RYR2: variants seen among roughly 807,000 people sequenced by gnomAD.
The protein encoded by RYR2 is ryanodine receptor 2.
RYR2 carries 227 observed loss-of-function variants against 601.1 expected under a neutral mutation model. The observed-to-expected ratio is 0.38, with a 90% confidence interval of 0.34 to 0.42. The LOEUF is 0.42. RYR2 is among the 10% of genes least tolerant of loss of function. RYR2 has a pLI of 1.00. For synonymous variants in RYR2, 2,223 were observed against 2,175.1 expected, an observed-to-expected ratio of 1.02 and a Z score of -0.61; for missense variants, 4,646 against 6,156.5, an observed-to-expected ratio of 0.75 and a Z score of 8.21.
At chr1:237,269,431 T>G (rs537533174) in intron 1 of RYR2, among the ~76,000 whole-genome samples, 1 of 152,300 alleles carries the variant, frequency 6.6e-6, no homozygotes, top group Admixed American at 6.5e-5. Context: ...ACCTCTGCCC[T>G]GCCATACTAC....
rs1349630767 is a variant in RYR2, at chr1:237,833,583, A to C, written c.*936A>C. 6.6e-6 allele frequency: 1 copy of C among 152,630 alleles called. No individual in the cohort carries two copies. Among genetic ancestry groups the C allele is most frequent in the Admixed American group, 6.5e-5 (1 of 15,280 alleles). 9.5% of individuals were successfully genotyped at this position (152,630 alleles called of 1,614,324 possible). The stretch of plus-strand genomic sequence containing the variant: ...AAATTTCATGATAATTATTCATAGT[A>C]ATAAAGTGTCGTGGGCTTAATTGTA... On this transcript the variant is annotated 3_prime_UTR_variant, in exon 105 of 105. Transcript: ENST00000366574.
chr1:237,213,092 C>A (rs1414264979), intron 1 of RYR2, among the ~76,000 whole-genome samples: 1 of 151,834 alleles, frequency 6.6e-6, no homozygotes, highest in African/African-American at 2.4e-5. Context: ...TATTATTAAC[C>A]ATTTTTACTT....
intron 79 of RYR2, among the ~76,000 whole-genome samples, chr1:237,734,088 G>T (rs1690927209): frequency 6.6e-6 from 1 of 152,112 alleles, no homozygotes; most frequent in Non-Finnish European, 1.5e-5. Context: ...TTAAGCAAAT[G>T]GTTGTAGAAA....
chr1:237,815,031 A>C (rs1233492590), intron 100 of RYR2, among the ~76,000 whole-genome samples: 1 of 128,970 alleles, frequency 7.8e-6, no homozygotes, highest in African/African-American at 3.0e-5. Flanking sequence ...GCTGACCCTC[A>C]GTGTTCCCTA....
chr1:237,135,454 C>T (rs956505942), intron 1 of RYR2, among the ~76,000 whole-genome samples: 2 of 151,660 alleles, frequency 1.3e-5, no homozygotes, highest in Admixed American at 1.3e-4. Context: ...ACTGCAAGCT[C>T]CGCCTCCCAG....
chr1:237,681,933 T>C (rs147816155), intron 62 of RYR2, among the ~76,000 whole-genome samples: 83 of 152,340 alleles, frequency 5.4e-4, no homozygotes, highest in African/African-American at 1.9e-3. Context: ...CTGTTAGCCT[T>C]TTTAAATAGG....
At position 237,660,028 on chromosome 1, in the gene RYR2, C is replaced by G; in HGVS notation, c.8252C>G (p.Ser2751Cys). The G allele has an allele frequency of 6.3e-7, 1 of 1,589,720 alleles. No individual in the cohort carries two copies. Among genetic ancestry groups the G allele is most frequent in the Non-Finnish European group, 8.5e-7 (1 of 1,170,996 alleles). The change falls in exon 55 of 105, where the codon TCT becomes TGT. Residue 2751 changes from serine to cysteine, a missense_variant. Physicochemically the swap from Ser to Cys is moderately radical, Grantham distance 112. This residue lies in a region of RYR2 where 1,497 missense variants were observed against 1,842.6 expected (regional missense o/e 0.81). Transcript: ENST00000366574. ...WIYGEIYSDS[S>C]KVQPLMKPYK... Reference sequence around the variant, plus strand: ...TATGGAGAAATATATTCAGACTCTTCTAAGGTTCAGCCATTAATGAAGCCA... The same window carrying G: ...TATGGAGAAATATATTCAGACTCTTGTAAGGTTCAGCCATTAATGAAGCCA...
At chr1:237,492,851 GGAA>G (rs1663537552) in intron 18 of RYR2, 100 bp from the exon 19 acceptor site, 3 of 1,203,672 alleles carry the variant, frequency 2.5e-6, no homozygotes, top group Non-Finnish European at 3.4e-6. Flanking sequence ...AAGGAAGGAA[GGAA>G]GGAAGGAAGG....
At chr1:237,214,138 C>G (rs1451833741) in intron 1 of RYR2, among the ~76,000 whole-genome samples, 1 of 151,882 alleles carries the variant, frequency 6.6e-6, no homozygotes, top group African/African-American at 2.4e-5. Flanking sequence ...CCAGGCTGGT[C>G]TTGAACTCCT....
At chr1:237,311,798 T>C (rs12741336) in intron 2 of RYR2, among the ~76,000 whole-genome samples, 11,014 of 152,264 alleles carry the variant, frequency 0.072, 542 homozygotes, top group Non-Finnish European at 0.11. Context: ...TCTTTAGAAC[T>C]GTCTTTTGTG....
intron 12 of RYR2, among the ~76,000 whole-genome samples, chr1:237,427,782 C>T (rs1343027640): frequency 1.8e-5 from 1 of 56,192 alleles, no homozygotes; most frequent in African/African-American, 7.0e-5. Context: ...GACTCTGCCT[C>T]AAAAAAAAAA....
chr1:237,600,354 G>T (rs1444097870), intron 34 of RYR2, among the ~76,000 whole-genome samples: 1 of 152,108 alleles, frequency 6.6e-6, no homozygotes, highest in Non-Finnish European at 1.5e-5. Flanking sequence ...TTGGGGAAAG[G>T]ACAGTTTCTT....
chr1:237,324,978 A>G (rs1044605512), intron 2 of RYR2, among the ~76,000 whole-genome samples: 2 of 152,204 alleles, frequency 1.3e-5, no homozygotes, highest in African/African-American at 4.8e-5. Context: ...CTGTATCCCT[A>G]TAGTGTATGT....
intron 1 of RYR2, among the ~76,000 whole-genome samples, chr1:237,216,266 ATGTC>A (rs918187507): frequency 6.6e-6 from 1 of 152,156 alleles, no homozygotes; most frequent in African/African-American, 2.4e-5. Flanking sequence ...TTTTCAACCT[ATGTC>A]TGTGTTTCAA....
chr1:237,669,510 C>T (rs1366989200), intron 58 of RYR2, among the ~76,000 whole-genome samples: 4 of 127,726 alleles, frequency 3.1e-5, no homozygotes, highest in African/African-American at 1.2e-4. Context: ...GGGGGGCTGA[C>T]CCCCCCCACC....
At chr1:237,085,852 C>T (rs1489818661) in intron 1 of RYR2, among the ~76,000 whole-genome samples, 2 of 152,198 alleles carry the variant, frequency 1.3e-5, no homozygotes, top group African/African-American at 4.8e-5. Flanking sequence ...CTCCCAGGCT[C>T]AAGTGATCCT....
chr1:237,416,765 G>C (rs868361447), intron 10 of RYR2, among the ~76,000 whole-genome samples: 34 of 150,658 alleles, frequency 2.3e-4, no homozygotes, highest in South Asian at 1.3e-3. Flanking sequence ...CACACACACA[G>C]AGAGAGAGAG....
At chr1:237,246,825 T>C (rs930508692) in intron 1 of RYR2, among the ~76,000 whole-genome samples, 1 of 152,206 alleles carries the variant, frequency 6.6e-6, no homozygotes, top group Non-Finnish European at 1.5e-5. Context: ...TTTCTGATGA[T>C]TTATTTTTGG....
intron 20 of RYR2, 99 bp downstream of exon 20, chr1:237,496,851 G>A (rs1272636340): frequency 7.3e-7 from 1 of 1,364,440 alleles, no homozygotes; most frequent in Non-Finnish European, 1.0e-6. Flanking sequence ...CTTCTATAGG[G>A]TATTAATTAT....
Sources: allele counts gnomAD v4.1 joint callset (sites outside exome capture counted in the v4.1 genomes callset), GRCh38; gene constraint gnomAD v4.1.1; regional missense constraint gnomAD v4.1.1; transcripts MANE v1.5; gene names NCBI Gene and HGNC (gene_info 2026-07-23, HGNC 2026-07-21).